The following COBLL1 variants were observed in gnomAD, a reference collection of about 807,000 sequenced individuals.
The protein encoded by COBLL1 is cordon-bleu WH2 repeat protein like 1, also known as cordon-bleu protein-like 1.
A neutral mutation model predicts 94.8 loss-of-function variants in COBLL1; 50 were observed. That is an observed-to-expected ratio of 0.53 (90% CI 0.42 to 0.67). The LOEUF (loss-of-function observed/expected upper bound fraction) is 0.67, where lower values mean the gene tolerates loss of function less well. Among genes scored for constraint, COBLL1 ranks in the 30% least tolerant of loss-of-function variants. COBLL1 has a pLI of 0.00. For missense variants in COBLL1, 1,362 were observed against 1,348.7 expected, an observed-to-expected ratio of 1.01 and a Z score of -0.15; for synonymous variants, 448 against 473.8, an observed-to-expected ratio of 0.95 and a Z score of 0.71.
At chr2:164,812,736 C>T (rs972948582) in intron 2 of COBLL1, among the ~76,000 whole-genome samples, 6 of 151,944 alleles carry the variant, frequency 3.9e-5, no homozygotes, top group South Asian at 2.1e-4. Context: ...TATTAGAGTA[C>T]GCATTTGATA....
chr2:164,818,782 AC>A (rs1685015644), intron 2 of COBLL1, among the ~76,000 whole-genome samples: 1 of 102,250 alleles, frequency 9.8e-6, no homozygotes, highest in Non-Finnish European at 2.2e-5. Flanking sequence ...ATATATATAT[AC>A]ATATAATTTT....
intron 3 of COBLL1, among the ~76,000 whole-genome samples, chr2:164,731,104 T>C (rs1685987362): frequency 6.6e-6 from 1 of 152,206 alleles, no homozygotes; most frequent in African/African-American, 2.4e-5. Flanking sequence ...TCATGCCCGT[T>C]TGTTTATATA....
rs61748611 is a variant in COBLL1 at position 164,695,157 on chromosome 2, C to T, written c.2235G>A (p.Ser745=). The change falls in exon 12 of 14, where the codon TCG becomes TCA. Residue 745 remains serine, a synonymous_variant. Coordinates refer to ENST00000652658, the MANE Select transcript of COBLL1 (RefSeq NM_001365672.2). ...KIVPPKSLEI[S]KDWQSETIEY... is the part of the protein sequence containing the mutation. ...CTATGGTTTCTGATTGCCAGTCTTT[C>T]GATATTTCCAAGGATTTGGGAGGCA... is the stretch of plus-strand genomic sequence containing the variant. 140 of 1,613,708 alleles carry T rather than the reference C, an allele frequency of 8.7e-5. No individual in the cohort carries two copies. The highest frequency in any genetic ancestry group is 6.4e-4 in the African/African-American group (48 of 74,814).
intron 2 of COBLL1, chr2:164,779,772 C>T (rs1162965422): frequency 4.3e-6 from 2 of 470,518 alleles, no homozygotes; most frequent in Admixed American, 2.4e-5. Context: ...CAGCCTCTGT[C>T]CCAATAACTG....
intron 2 of COBLL1, among the ~76,000 whole-genome samples, chr2:164,767,612 T>C (rs1031132774): frequency 1.3e-5 from 2 of 152,208 alleles, no homozygotes; most frequent in African/African-American, 4.8e-5. Flanking sequence ...TGTTCTCCTT[T>C]TCTACGTAGA....
chr2:164,757,663 T>C (rs574267838), intron 2 of COBLL1, among the ~76,000 whole-genome samples: 24 of 152,006 alleles, frequency 1.6e-4, no homozygotes, highest in Non-Finnish European at 3.1e-4. Flanking sequence ...AATTAAATAT[T>C]AGACCAGGCG....
rs139709766 is a variant in COBLL1 at position 164,806,142 on chromosome 2, G to T, written c.41+35014C>A. Among the ~76,000 whole-genome samples the T allele has an allele frequency of 4.1e-3, 617 of 151,776 alleles. 1 individual carries two copies. Among genetic ancestry groups the T allele is most frequent in the African/African-American group, 0.014 (598 of 41,408 alleles). ...GGGGTCTTGTTTACAAAAAATAAAAGGAAGAAAAAGGGAAGGAAAAAAAAA... is the reference window on the plus strand; with the variant it reads ...GGGGTCTTGTTTACAAAAAATAAAATGAAGAAAAAGGGAAGGAAAAAAAAA... On this transcript the variant is annotated intron_variant, in intron 2 of 13. Coordinates refer to ENST00000652658, the MANE Select transcript of COBLL1 (RefSeq NM_001365672.2).
rs1198012042 is a variant in COBLL1 at position 164,686,030 on chromosome 2, A to G, written c.3303T>C (p.Val1101=). 1 of 1,582,226 alleles carries G rather than the reference A, an allele frequency of 6.3e-7. No homozygotes were observed. ...CAGATATTGTATTTGATGGAATGGT[A>G]ACCTAAGAGAAAGAAACACACTTTG... ...SGEAAAKLKR[V]TIPSNTISVN... The change falls in exon 14 of 14, where the codon GTT becomes GTC. Residue 1101 remains valine (V), a splice_region_variant and synonymous_variant. Transcript: ENST00000652658.
rs1263784427 is a variant in COBLL1 at position 164,695,689 on chromosome 2, T to C, written c.1703A>G (p.His568Arg). The C allele has an allele frequency of 3.1e-6, 5 of 1,613,944 alleles. No homozygotes were observed. The highest frequency in any genetic ancestry group is 1.7e-5 in the Admixed American group (1 of 60,010). Residue 568 changes from histidine (H) to arginine (R), a missense_variant, in exon 12 of 14, where the codon CAT (histidine) becomes CGT (arginine). Transcript: ENST00000652658. ...GTAACTTATAGCAGTATCAGTTTCA[T>C]GTGCCTCAGAGTTTGATGGTCTCTC... ...EVERPSNSEA[H>R]ETDTAISYKE...
At chr2:164,761,949 C>A (rs1352823969) in intron 2 of COBLL1, among the ~76,000 whole-genome samples, 1 of 152,150 alleles carries the variant, frequency 6.6e-6, no homozygotes, top group African/African-American at 2.4e-5. Flanking sequence ...CCACTATCTC[C>A]CTGCCATCTC....
chr2:164,832,209 A>G (rs927952558), intron 2 of COBLL1, among the ~76,000 whole-genome samples: 1 of 152,226 alleles, frequency 6.6e-6, no homozygotes, highest in South Asian at 2.1e-4. Context: ...TGTCTCACCT[A>G]GATTTGAGCA....
chr2:164,764,835 T>C (rs1485026997), intron 2 of COBLL1, among the ~76,000 whole-genome samples: 1 of 152,124 alleles, frequency 6.6e-6, no homozygotes, highest in Non-Finnish European at 1.5e-5. Context: ...AAAAACTAAA[T>C]AGTCATTATG....
At chr2:164,699,552 T>G (rs993208961) in intron 10 of COBLL1, 53 bp from the exon 11 acceptor site, 3 of 965,962 alleles carry the variant, frequency 3.1e-6, no homozygotes, top group African/African-American at 1.6e-5. Context: ...AACACACACA[T>G]ACACACACAC....
Position 164,704,983 on chromosome 2 carries a change from C to A in COBLL1, c.1119G>T (p.Pro373=), listed in dbSNP as rs138711091. 6.3e-7 allele frequency: 1 copy of A among 1,595,026 alleles called. No homozygotes were observed. The highest frequency in any genetic ancestry group is 8.5e-7 in the Non-Finnish European group (1 of 1,173,066). The part of the protein sequence containing the change: ...KAPSPPSKIP[P]HQSDENSRVT... ...CACGACTATTTTCATCACTTTGATG[C>A]GGGGGTATTTTGGAGGGTGGGGAAG... The change falls in exon 8 of 14, where the codon CCG becomes CCT. Residue 373 remains proline, a synonymous_variant. Coordinates refer to ENST00000652658, the MANE Select transcript of COBLL1 (RefSeq NM_001365672.2).
chr2:164,752,173 T>C (rs1333564488), intron 2 of COBLL1, among the ~76,000 whole-genome samples: 1 of 152,162 alleles, frequency 6.6e-6, no homozygotes, highest in Non-Finnish European at 1.5e-5. Context: ...TCCTTGAGTG[T>C]TGACTGTGTG....
At position 164,699,477 on chromosome 2, in the gene COBLL1, C is replaced by T; in HGVS notation, c.1483G>A (p.Asp495Asn). Residue 495 changes from aspartate (D) to asparagine (N), a missense_variant, in exon 11 of 14, where the codon GAT becomes AAT. Physicochemically the swap from Asp to Asn is conservative, Grantham distance 23. Coordinates refer to ENST00000652658, the MANE Select transcript of COBLL1 (RefSeq NM_001365672.2). ...DGQEPHSVVY[D>N]TSNGKKVVDS... ...ACTACCTTCTTTCCATTGCTTGTAT[C>T]ATATACTACACTGTGTGGTTCTCTG... is the stretch of plus-strand genomic sequence containing the variant. The T allele has an allele frequency of 6.2e-7, 1 of 1,611,314 alleles. No homozygotes were observed. Among genetic ancestry groups the T allele is most frequent in the East Asian group, 2.2e-5 (1 of 44,796 alleles).
intron 3 of COBLL1, among the ~76,000 whole-genome samples, chr2:164,730,333 T>TAAAA (rs111508553): frequency 7.0e-6 from 1 of 143,664 alleles, no homozygotes; most frequent in Non-Finnish European, 1.5e-5. Context: ...CTACAAAAAA[T>TAAAA]AAAAAAAAAA....
rs556258834 is a variant in COBLL1 at position 164,733,129 on chromosome 2, C to A, written c.231-3014G>T. On this transcript the variant is annotated intron_variant, in intron 3 of 13. Coordinates refer to ENST00000652658, the MANE Select transcript of COBLL1 (RefSeq NM_001365672.2). The stretch of plus-strand genomic sequence containing the variant: ...TTTGGTTTTTATCCCTATTTTTGTG[C>A]CATAATTTTCATCGTTTATGTATAA... Among the ~76,000 whole-genome samples the A allele has an allele frequency of 3.3e-5, 5 of 152,228 alleles. No individual in the cohort carries two copies. The South Asian group carries it at 8.3e-4, about 25-fold the overall frequency.
intron 2 of COBLL1, among the ~76,000 whole-genome samples, chr2:164,749,864 T>C (rs1687042677): frequency 6.6e-6 from 1 of 152,122 alleles, no homozygotes; most frequent in South Asian, 2.1e-4. Context: ...GTCTGTCTCA[T>C]CTTGGTCACA....
Sources: allele counts gnomAD v4.1 joint callset (sites outside exome capture counted in the v4.1 genomes callset), GRCh38; gene constraint gnomAD v4.1.1; transcripts MANE v1.5; gene names NCBI Gene and HGNC (gene_info 2026-07-23, HGNC 2026-07-21).